Variants in GLYATL3 observed in about 807,000 individuals in gnomAD.
GLYATL3 encodes the protein glycine N-acyltransferase-like protein 3.
Under a neutral mutation model 28.5 loss-of-function variants are expected in GLYATL3, and 31 were observed. The observed-to-expected ratio is 1.09, with a 90% CI of 0.82 to 1.47. GLYATL3 has a LOEUF of 1.47. Ranked by LOEUF, GLYATL3 falls within the 40% of genes most tolerant of loss-of-function variation. The pLI is 0.00. For missense variants in GLYATL3, 369 were observed against 351.5 expected, an observed-to-expected ratio of 1.05 and a Z score of -0.40; for synonymous variants, 141 against 140.2, an observed-to-expected ratio of 1.01 and a Z score of -0.04.
At position 49,526,944 on chromosome 6, in the gene GLYATL3, C is replaced by T; in HGVS notation, c.*30C>T. The stretch of plus-strand genomic sequence containing the variant: ...GTAAAAAACTGCAGTGGTTTTATTA[C>T]TTTCCCTGAGCATACACACACTCTT... On this transcript the variant is annotated 3_prime_UTR_variant, in exon 6 of 6. Transcript: ENST00000371197. 2 of 1,443,602 alleles carry T rather than the reference C, an allele frequency of 1.4e-6. No homozygotes were observed. The highest frequency in any genetic ancestry group is 1.8e-6 in the Non-Finnish European group (2 of 1,087,836). The allele number at this position is 1,443,602 out of a possible 1,614,324, so 89.4% of individuals were successfully genotyped here.
intron 3 of GLYATL3, among the ~76,000 whole-genome samples, chr6:49,516,834 A>C (rs540682174): frequency 6.6e-6 from 1 of 152,034 alleles, no homozygotes; most frequent in Non-Finnish European, 1.5e-5. Context: ...TAAACAAAAC[A>C]AAACCTTTCC....
chr6:49,516,135 T>C lies in GLYATL3; in HGVS notation c.186+375T>C, dbSNP rs544082240. Reference sequence around the variant, plus strand: ...TTTTTAGTAGACACTTTAGTAGAGATGGGATTTCACCATGTTGGCCAGGCT... The same window carrying C: ...TTTTTAGTAGACACTTTAGTAGAGACGGGATTTCACCATGTTGGCCAGGCT... On this transcript the variant is annotated intron_variant, in intron 3 of 5. Transcript: ENST00000371197. 1.8e-4 allele frequency among the ~76,000 whole-genome samples: 28 copies of C among 152,056 alleles called. 1 individual carries two copies. In the East Asian group the frequency reaches 5.4e-3, roughly 30 times the overall value.
intron 2 of GLYATL3, among the ~76,000 whole-genome samples, chr6:49,513,784 G>A (rs1769163726): frequency 6.6e-6 from 1 of 152,146 alleles, no homozygotes; most frequent in South Asian, 2.1e-4. Flanking sequence ...ACAATTCTAG[G>A]CATTGAAGAA....
chr6:49,512,297 T>C (rs1222679979), intron 2 of GLYATL3, among the ~76,000 whole-genome samples: 4 of 150,638 alleles, frequency 2.7e-5, no homozygotes, highest in South Asian at 2.1e-4. Flanking sequence ...TTTTTTTTTT[T>C]TTTAACTTTA....
intron 4 of GLYATL3, among the ~76,000 whole-genome samples, chr6:49,521,124 A>T (rs1769307963): frequency 1.3e-5 from 2 of 152,200 alleles, no homozygotes; most frequent in African/African-American, 2.4e-5. Flanking sequence ...GATTTATCAA[A>T]TAACTATGAC....
chr6:49,527,691 C>T lies in GLYATL3; in HGVS notation c.*777C>T, dbSNP rs1402170441. Among the ~76,000 whole-genome samples, 1 of 152,128 alleles carries T rather than the reference C, an allele frequency of 6.6e-6. No homozygotes were observed. Among genetic ancestry groups the T allele is most frequent in the Admixed American group, 6.6e-5 (1 of 15,258 alleles). On this transcript the variant is annotated 3_prime_UTR_variant, in exon 6 of 6. Transcript: ENST00000371197. ...GCTGTCACCATAGAACTAGACTTTA[C>T]CTATAACCTATTTCAGCCCCCTTAT...
chr6:49,526,680 C>T lies in GLYATL3; in HGVS notation c.633C>T (p.Thr211=), dbSNP rs772809453. The change falls in exon 6 of 6, where the codon ACC becomes ACT. Residue 211 remains threonine (T), a synonymous_variant. Coordinates refer to ENST00000371197, the MANE Select transcript of GLYATL3 (RefSeq NM_001010904.2). ...VSWSITDQFA[T]MCHGYTLPEH... ...GGTCCATCACAGACCAGTTTGCCAC[C>T]ATGTGCCATGGCTACACCCTGCCAG... is the stretch of plus-strand genomic sequence containing the variant. 21 of 1,551,682 alleles carry T rather than the reference C, an allele frequency of 1.4e-5. No homozygotes were observed. In the South Asian group the frequency reaches 2.1e-4, roughly 16 times the overall value.
rs575191908 is a variant in GLYATL3 at position 49,515,585 on chromosome 6, A to G, written c.79-68A>G. On this transcript the variant is annotated intron_variant, in intron 2 of 5. Coordinates refer to ENST00000371197, the MANE Select transcript of GLYATL3 (RefSeq NM_001010904.2). ...ATGATTACACAGTAGAACAAGAGGT[A>G]AAGACGATAATATGTGAGTGAAACA... The G allele has an allele frequency of 3.4e-3, 2,945 of 863,008 alleles. 39 individuals carry two copies. The highest frequency in any genetic ancestry group is 0.016 in the South Asian group (1,107 of 69,536). The allele number at this position is 863,008 out of a possible 1,614,324, so 53.5% of individuals were successfully genotyped here. A position where few individuals can be genotyped will look rare whatever the true frequency, so the allele number is the denominator to read the frequency against.
In GLYATL3 at chr6:49,526,566, C is replaced by A; in HGVS notation, c.519C>A (p.Gly173=). ...DLLNRTWSRG[G]NEQCLRYIAN... ...TCAACCGGACTTGGTCCCGGGGAGG[C>A]AATGAACAATGTCTCCGGTACATCG... Residue 173 remains glycine, a synonymous_variant, in exon 6 of 6, where the codon GGC becomes GGA. Transcript: ENST00000371197. 1 of 1,551,858 alleles carries A rather than the reference C, an allele frequency of 6.4e-7. No homozygotes were observed. Among genetic ancestry groups the A allele is most frequent in the Non-Finnish European group, 8.7e-7 (1 of 1,147,004 alleles).
chr6:49,516,155 C>T (rs1443459146), intron 3 of GLYATL3, among the ~76,000 whole-genome samples: 1 of 152,016 alleles, frequency 6.6e-6, no homozygotes, highest in Non-Finnish European at 1.5e-5. Flanking sequence ...CCATGTTGGC[C>T]AGGCTGATCT....
At chr6:49,526,341 A>G (rs1312074805) in intron 5 of GLYATL3, 147 bp from the exon 6 acceptor site, 2 of 629,494 alleles carry the variant, frequency 3.2e-6, no homozygotes, top group Non-Finnish European at 5.6e-6. Context: ...TGAACCCGGG[A>G]GGCAGAGGTT....
intron 1 of GLYATL3, among the ~76,000 whole-genome samples, chr6:49,504,834 A>G (rs1768982529): frequency 6.6e-6 from 1 of 152,222 alleles, no homozygotes; most frequent in Non-Finnish European, 1.5e-5. Context: ...GTTTTTTAAC[A>G]TGAGAAGTGG....
intron 4 of GLYATL3, among the ~76,000 whole-genome samples, chr6:49,520,144 A>G (rs1769287424): frequency 1.3e-5 from 2 of 152,318 alleles, no homozygotes; most frequent in South Asian, 2.1e-4. Flanking sequence ...GATCAAGAAC[A>G]CCATGAAGAG....
rs9369905 is a variant in GLYATL3, at chr6:49,521,684, C to A, written c.353C>A (p.Ala118Asp). Residue 118 changes from alanine (A) to aspartate (D), a missense_variant, in exon 5 of 6, where the codon GCC becomes GAC. Coordinates refer to ENST00000371197, the MANE Select transcript of GLYATL3 (RefSeq NM_001010904.2). ...TTATATGATGTTTCCAAAGCGGTTG[C>A]CAATTCAAAGCAGTTGAATATAAAG... ...SELYDVSKAV[A>D]NSKQLNIKLT... is the part of the protein sequence containing the mutation. 469,259 of 1,548,040 alleles carry A rather than the reference C, an allele frequency of 0.3. 76,343 individuals are homozygous for A. The highest frequency in any genetic ancestry group is 0.34 in the Middle Eastern group (2,031 of 5,990).
intron 2 of GLYATL3, among the ~76,000 whole-genome samples, chr6:49,512,344 T>C (rs903236130): frequency 2.6e-5 from 4 of 151,072 alleles, no homozygotes; most frequent in African/African-American, 9.7e-5. Context: ...GCAGATTTGT[T>C]ACATAAGTAT....
chr6:49,525,093 A>ATT (rs10630585), intron 5 of GLYATL3, among the ~76,000 whole-genome samples: 7,640 of 141,342 alleles, frequency 0.054, 706 homozygotes, highest in African/African-American at 0.18. Context: ...ATTCTAAAAC[A>ATT]TTTTTTTTTT....
At chr6:49,501,392 C>T (rs1017824627) in intron 1 of GLYATL3, among the ~76,000 whole-genome samples, 6 of 152,146 alleles carry the variant, frequency 3.9e-5, no homozygotes, top group Non-Finnish European at 7.3e-5. Context: ...GCAGGTCCCG[C>T]GGTGCCGCCA....
intron 4 of GLYATL3, among the ~76,000 whole-genome samples, chr6:49,519,453 G>A (rs1317225707): frequency 6.6e-6 from 1 of 152,160 alleles, no homozygotes; most frequent in Non-Finnish European, 1.5e-5. Context: ...ACAGACTTCT[G>A]TGGTAATAGC....
At chr6:49,520,035 T>C (rs1769285836) in intron 4 of GLYATL3, among the ~76,000 whole-genome samples, 1 of 152,160 alleles carries the variant, frequency 6.6e-6, no homozygotes, top group Non-Finnish European at 1.5e-5. Context: ...AGAAGGTAGG[T>C]AGAAAGAGGC....
Sources: allele counts gnomAD v4.1 joint callset (sites outside exome capture counted in the v4.1 genomes callset), GRCh38; gene constraint gnomAD v4.1.1; transcripts MANE v1.5; gene names NCBI Gene and HGNC (gene_info 2026-07-23, HGNC 2026-07-21).